PDCD11: variants seen among roughly 807,000 people sequenced by gnomAD.
The protein encoded by PDCD11 is programmed cell death 11, also known as protein RRP5 homolog.
Under a neutral mutation model 198.9 loss-of-function variants are expected in PDCD11, and 97 were observed. The observed-to-expected ratio is 0.49, with a 90% CI of 0.41 to 0.58. The LOEUF is 0.58. PDCD11 is among the 20% of genes least tolerant of loss of function. The pLI is 0.00. For missense variants in PDCD11, 2,102 were observed against 2,312.7 expected (o/e 0.91, Z 1.87); for synonymous variants, 893 against 918.0 (o/e 0.97, Z 0.49).
chr10:103,428,589 A>G (rs186439278), intron 21 of PDCD11, among the ~76,000 whole-genome samples: 85 of 152,236 alleles, frequency 5.6e-4, no homozygotes, highest in Middle Eastern at 3.4e-3. Flanking sequence ...TTTTAATTAA[A>G]CCCTTAATTA....
chr10:103,439,587 A>G (rs73330630), intron 27 of PDCD11, among the ~76,000 whole-genome samples, 159 bp from the exon 28 acceptor site: 74 of 152,334 alleles, frequency 4.9e-4, no homozygotes, highest in African/African-American at 1.7e-3. Flanking sequence ...GATGATTTCA[A>G]GTTTACAAAG....
chr10:103,419,823 T>C, intron 16 of PDCD11, 115 bp downstream of exon 16: 1 of 911,338 alleles, frequency 1.1e-6, no homozygotes, highest in Non-Finnish European at 1.6e-6. Context: ...ACAGTCTTGT[T>C]CTGTCGCCCA....
chr10:103,413,101 C>T lies in PDCD11; in HGVS notation c.979-15C>T, dbSNP rs2133694925. On this transcript the variant is annotated splice_polypyrimidine_tract_variant and intron_variant, in intron 8 of 35. Transcript: ENST00000369797. ...TGTGCCTCCTCCTGCTCACCCTGCC[C>T]TTCCTTTTGTCTAGGTGAGGGCCTG... The T allele has an allele frequency of 6.2e-7, 1 of 1,611,866 alleles. No homozygotes were observed. Among genetic ancestry groups the T allele is most frequent in the Middle Eastern group, 1.7e-4 (1 of 5,718 alleles).
rs1428706075 is a variant in PDCD11, at chr10:103,415,080, A to G, written c.1447A>G (p.Met483Val). 8 of 1,614,144 alleles carry G rather than the reference A, an allele frequency of 5.0e-6. No homozygotes were observed. Among genetic ancestry groups the G allele is most frequent in the Non-Finnish European group, 4.2e-6 (5 of 1,180,002 alleles). Reference sequence around the variant, plus strand: ...GCAGATGAGGGGCCTGGTACCTCCCATGCACCTGGCTGACATCCTGATGAA... The same window carrying G: ...GCAGATGAGGGGCCTGGTACCTCCCGTGCACCTGGCTGACATCCTGATGAA... ...GEQMRGLVPP[M>V]HLADILMKNP... is the part of the protein sequence containing the mutation. The change falls in exon 12 of 36, where the codon ATG becomes GTG. Residue 483 changes from methionine to valine, a missense_variant. Coordinates refer to ENST00000369797, the MANE Select transcript of PDCD11 (RefSeq NM_014976.2).
chr10:103,444,161 G>T, intron 34 of PDCD11, 93 bp downstream of exon 34: 13 of 1,087,272 alleles, frequency 1.2e-5, no homozygotes, highest in Non-Finnish European at 1.7e-5. Flanking sequence ...AGTCAGGAGA[G>T]CCTTGTGAGG....
At position 103,425,463 on chromosome 10, in the gene PDCD11, G is replaced by T; in HGVS notation, c.3243G>T (p.Lys1081Asn). ...CAGAGGGCACCTCTCCTACTACCAA[G>T]CTGAAGGTTGGGAAGACGGTCACTG... ...DVPEGTSPTT[K>N]LKVGKTVTAR... is the part of the protein sequence containing the mutation. The change falls in exon 20 of 36, where the codon AAG becomes AAT. Residue 1081 changes from lysine (K) to asparagine (N), a missense_variant. Coordinates refer to ENST00000369797, the MANE Select transcript of PDCD11 (RefSeq NM_014976.2). 6.2e-7 allele frequency: 1 copy of T among 1,613,972 alleles called. No individual in the cohort carries two copies. The highest frequency in any genetic ancestry group is 8.5e-7 in the Non-Finnish European group (1 of 1,179,986).
At position 103,422,988 on chromosome 10, in the gene PDCD11, ACT is replaced by A. The variant is rs2031522040; in HGVS notation, c.2501_2502del (p.Ser834CysfsTer16). The A allele has an allele frequency of 6.5e-7, 1 of 1,529,610 alleles. No homozygotes were observed. Among genetic ancestry groups the A allele is most frequent in the Non-Finnish European group, 8.8e-7 (1 of 1,139,548 alleles). 94.8% of individuals were successfully genotyped at this position (1,529,610 alleles called of 1,614,324 possible). A position where few individuals can be genotyped will look rare whatever the true frequency, so the allele number is the denominator to read the frequency against. ...CGTGTTTCCTTTGGATCTCTGGCAG[ACT>A]CTGTGTTGATCCAGACGCTGGCCGA... On this transcript the variant is annotated frameshift_variant and splice_region_variant, in exon 18 of 36. Coordinates refer to ENST00000369797, the MANE Select transcript of PDCD11 (RefSeq NM_014976.2). LOFTEE classifies it high-confidence loss of function.
Position 103,440,737 on chromosome 10 carries a change from A to G in PDCD11, c.4444A>G (p.Arg1482Gly), listed in dbSNP as rs1408068012. Residue 1482 changes from arginine to glycine, a missense_variant, in exon 30 of 36, where the codon AGA (arginine) becomes GGA (glycine). Physicochemically the swap from Arg to Gly is moderately radical, Grantham distance 125. Coordinates refer to ENST00000369797, the MANE Select transcript of PDCD11 (RefSeq NM_014976.2). ...ATTCTCCCACCTGGCCTCTCAGGAA[A>G]GAGTGAGCAAGAAGCCAAAGAAAGC... ...ECRESGSEQE[R>G]VSKKPKKAGL... 1.2e-6 allele frequency: 2 copies of G among 1,614,028 alleles called. No individual in the cohort carries two copies. The highest frequency in any genetic ancestry group is 1.3e-5 in the African/African-American group (1 of 74,944).
rs753298022 is a variant in PDCD11 at position 103,438,042 on chromosome 10, C to T, written c.3873C>T (p.Asn1291=). 3.7e-5 allele frequency: 59 copies of T among 1,613,356 alleles called. No individual in the cohort carries two copies. The highest frequency in any genetic ancestry group is 6.7e-5 in the East Asian group (3 of 44,894). Residue 1291 remains asparagine (N), a synonymous_variant, in exon 26 of 36, where the codon AAC becomes AAT. Transcript: ENST00000369797. ...GTTACATCCTGTCCACTGCAGACAA[C>T]GTATTGACTTTGTCGCTGCGATCAT... The part of the protein sequence containing the change: ...VRCYILSTAD[N]VLTLSLRSSR...
chr10:103,397,466 C>A (rs1048166156), intron 1 of PDCD11, among the ~76,000 whole-genome samples: 3 of 152,214 alleles, frequency 2.0e-5, no homozygotes, highest in African/African-American at 7.2e-5. Context: ...GACAGAGTCT[C>A]ACTTTGTCTC....
At chr10:103,426,846 C>G (rs1456183804) in intron 20 of PDCD11, among the ~76,000 whole-genome samples, 1 of 149,890 alleles carries the variant, frequency 6.7e-6, no homozygotes, top group Non-Finnish European at 1.5e-5. Context: ...AATCCCAGCA[C>G]TTTGGGACGA....
chr10:103,419,536 A>G lies in PDCD11; in HGVS notation c.2107-2A>G. 2 of 1,612,876 alleles carry G rather than the reference A, an allele frequency of 1.2e-6. No individual in the cohort carries two copies. The highest frequency in any genetic ancestry group is 1.7e-4 in the Middle Eastern group (1 of 6,058). ...GAACATTCCTTGATGAAGTACCACT[A>G]GCTTCTTTGCAGGAAGCCAGCCTTG... On this transcript the variant is annotated splice_acceptor_variant, in intron 15 of 35. Coordinates refer to ENST00000369797, the MANE Select transcript of PDCD11 (RefSeq NM_014976.2). LOFTEE classifies it high-confidence loss of function.
Position 103,445,538 on chromosome 10 carries a change from C to A in PDCD11, c.5605C>A (p.Leu1869Ile). ...LEYVEAKSSV[L>I]ED ...GTATGTGGAGGCCAAGAGCTCAGTG[C>A]TAGAGGACTAGTGGCAGGCTGGCTC... Residue 1869 changes from leucine (L) to isoleucine (I), a missense_variant, in exon 36 of 36, where the codon CTA (leucine) becomes ATA (isoleucine). Physicochemically the swap from Leu to Ile is conservative, Grantham distance 5 (BLOSUM62 2). Coordinates refer to ENST00000369797, the MANE Select transcript of PDCD11 (RefSeq NM_014976.2). 3 of 1,613,382 alleles carry A rather than the reference C, an allele frequency of 1.9e-6. No individual in the cohort carries two copies. Among genetic ancestry groups the A allele is most frequent in the Non-Finnish European group, 2.5e-6 (3 of 1,179,984 alleles).
At chr10:103,407,298 AATAT>A (rs1049639502) in intron 7 of PDCD11, among the ~76,000 whole-genome samples, 5 of 152,046 alleles carry the variant, frequency 3.3e-5, no homozygotes, top group Non-Finnish European at 5.9e-5. Context: ...TTAATTAAAA[AATAT>A]ATATATTTTC....
rs190737254 is a variant in PDCD11 at position 103,410,919 on chromosome 10, A to G, written c.978+1113A>G. Among the ~76,000 whole-genome samples, 637 of 151,860 alleles carry G rather than the reference A, an allele frequency of 4.2e-3. 10 individuals carry two copies. The highest frequency in any genetic ancestry group is 2.5e-3 in the Non-Finnish European group (173 of 67,908). On this transcript the variant is annotated intron_variant, in intron 8 of 35. Transcript: ENST00000369797. ...TGAAACCCCGTCTCTACTAAAAATA[A>G]AAAAAATTAGCCAGACCTGGTGGTG...
rs138854677 is a variant in PDCD11 at position 103,417,807 on chromosome 10, G to T, written c.1786G>T (p.Val596Leu). The T allele has an allele frequency of 1.6e-4, 252 of 1,613,846 alleles. No homozygotes were observed. The highest frequency in any genetic ancestry group is 2.2e-5 in the Non-Finnish European group (26 of 1,179,996). ...TTCTTGCCAGGTGGTGAAGGTTGTCGTATTGAACTGTGAGCCATCCAAAGA... is the reference window on the plus strand; with the variant it reads ...TTCTTGCCAGGTGGTGAAGGTTGTCTTATTGAACTGTGAGCCATCCAAAGA... ...FYTGQVVKVV[V>L]LNCEPSKERM... Residue 596 changes from valine to leucine, a missense_variant, in exon 14 of 36, where the codon GTA becomes TTA. Coordinates refer to ENST00000369797, the MANE Select transcript of PDCD11 (RefSeq NM_014976.2).
Position 103,416,448 on chromosome 10 carries a change from A to C in PDCD11, c.1519-43A>C, listed in dbSNP as rs1397001186. On this transcript the variant is annotated intron_variant, in intron 12 of 35. Coordinates refer to ENST00000369797, the MANE Select transcript of PDCD11 (RefSeq NM_014976.2). ...TGCAGAGACCAGCTCAGTGGCTCTC[A>C]TGATAACAGATAACTTGATGACAGC... The C allele has an allele frequency of 2.5e-6, 4 of 1,606,110 alleles. No individual in the cohort carries two copies. The African/African-American group carries it at 4.0e-5, about 16-fold the overall frequency.
chr10:103,440,005 G>C, intron 28 of PDCD11, 137 bp downstream of exon 28: 1 of 1,098,518 alleles, frequency 9.1e-7, no homozygotes. Flanking sequence ...AAAGGCCTTT[G>C]TTTGGAACCT....
Position 103,423,022 on chromosome 10 carries a change from C to T in PDCD11, c.2532C>T (p.Thr844=), listed in dbSNP as rs751002427. The change falls in exon 18 of 36, where the codon ACC becomes ACT. Residue 844 remains threonine, a synonymous_variant. Coordinates refer to ENST00000369797, the MANE Select transcript of PDCD11 (RefSeq NM_014976.2). ...TGATCCAGACGCTGGCCGAGATGAC[C>T]CCAGGAATGTTCCTTGACCTAGTGG... The part of the protein sequence containing the change: ...SVLIQTLAEM[T]PGMFLDLVVQ... The T allele has an allele frequency of 6.3e-6, 10 of 1,595,096 alleles. No individual in the cohort carries two copies. The highest frequency in any genetic ancestry group is 8.5e-6 in the Non-Finnish European group (10 of 1,170,560).
Sources: gnomAD v4.1 joint callset for allele counts (sites outside exome capture counted in the v4.1 genomes callset) on GRCh38, gnomAD v4.1.1 for gene constraint, MANE v1.5 for transcripts, NCBI Gene and HGNC (gene_info 2026-07-23, HGNC 2026-07-21) for gene names.